Variants in ANO10 observed in about 807,000 individuals in gnomAD.
The protein encoded by ANO10 is anoctamin 10.
Under a neutral mutation model 74.7 loss-of-function variants are expected in ANO10, and 77 were observed. The observed-to-expected ratio is 1.03, with a 90% CI of 0.86 to 1.25. The LOEUF is 1.25. Among genes scored for constraint, ANO10 ranks in the 50% most tolerant of loss-of-function variants. ANO10 has a pLI of 0.00. For synonymous variants in ANO10, 279 were observed against 284.9 expected (o/e 0.98, Z 0.21); for missense variants, 721 against 778.1 (o/e 0.93, Z 0.87).
chr3:43,630,275 T>C (rs1386054052), intron 1 of ANO10, among the ~76,000 whole-genome samples: 2 of 152,122 alleles, frequency 1.3e-5, no homozygotes, highest in African/African-American at 4.8e-5. Flanking sequence ...AAAACTAAAA[T>C]CTAAATACTA....
chr3:43,461,290 A>T lies in ANO10; in HGVS notation c.1798-28563T>A, dbSNP rs2149027569. On this transcript the variant is annotated intron_variant, in intron 11 of 12. Transcript: ENST00000292246. ...CTTAGATGACATAAACAAATAAGGAACAAAATTACCAAAACTGACATAGGA... is the reference window on the plus strand; with the variant it reads ...CTTAGATGACATAAACAAATAAGGATCAAAATTACCAAAACTGACATAGGA... Among the ~76,000 whole-genome samples, 2 of 152,378 alleles carry T rather than the reference A, an allele frequency of 1.3e-5. 1 individual carries two copies. The highest frequency in any genetic ancestry group is 4.1e-4 in the South Asian group (2 of 4,830).
chr3:43,603,843 T>A (rs2082439813), intron 2 of ANO10, among the ~76,000 whole-genome samples: 1 of 152,224 alleles, frequency 6.6e-6, no homozygotes, highest in Admixed American at 6.5e-5. Context: ...GATTGTCCAA[T>A]CTGCTTCCTA....
intron 7 of ANO10, among the ~76,000 whole-genome samples, chr3:43,570,923 G>T (rs547021739): frequency 7.2e-6 from 1 of 138,420 alleles, no homozygotes; most frequent in African/African-American, 2.8e-5. Flanking sequence ...GAAAATTTTC[G>T]CAACCTACTC....
At chr3:43,460,580 C>A (rs577896187) in intron 11 of ANO10, among the ~76,000 whole-genome samples, 247 of 152,282 alleles carry the variant, frequency 1.6e-3, no homozygotes, top group Non-Finnish European at 1.6e-3. Flanking sequence ...TCTTGGAAAA[C>A]CTCACCCATA....
intron 11 of ANO10, among the ~76,000 whole-genome samples, chr3:43,472,322 A>G (rs1343760632): frequency 2.0e-5 from 3 of 152,330 alleles, no homozygotes; most frequent in Admixed American, 6.5e-5. Context: ...GAATTAATAC[A>G]AAAACACACA....
At chr3:43,538,251 A>G (rs932452694) in intron 11 of ANO10, among the ~76,000 whole-genome samples, 3 of 152,218 alleles carry the variant, frequency 2.0e-5, no homozygotes, top group Non-Finnish European at 4.4e-5. Context: ...CCATTCCTAA[A>G]GAAATGGGTT....
At chr3:43,687,800 G>A (rs1415587186) in intron 1 of ANO10, among the ~76,000 whole-genome samples, 1 of 152,192 alleles carries the variant, frequency 6.6e-6, no homozygotes, top group Non-Finnish European at 1.5e-5. Context: ...TAGTGATGGA[G>A]GAAGTCTGGT....
intron 12 of ANO10, among the ~76,000 whole-genome samples, chr3:43,403,020 C>T (rs972700285): frequency 6.6e-6 from 1 of 152,234 alleles, no homozygotes; most frequent in African/African-American, 2.4e-5. Flanking sequence ...ACACTTTGCT[C>T]TGCCCTCCCA....
chr3:43,393,410 T>G (rs1251385845), intron 12 of ANO10, among the ~76,000 whole-genome samples: 1 of 152,148 alleles, frequency 6.6e-6, no homozygotes, highest in African/African-American at 2.4e-5. Flanking sequence ...TCACAGAAAC[T>G]CCTGGAACCA....
intron 1 of ANO10, among the ~76,000 whole-genome samples, chr3:43,679,852 A>C (rs1180527989): frequency 6.6e-6 from 1 of 152,202 alleles, no homozygotes; most frequent in Non-Finnish European, 1.5e-5. Context: ...ACCTCCAGCA[A>C]ACTCCAACAG....
chr3:43,653,074 G>A (rs1255864406), intron 1 of ANO10: 1 of 152,068 alleles, frequency 6.6e-6, no homozygotes, highest in Non-Finnish European at 1.5e-5. Context: ...AGCTGAGCAT[G>A]GTGGCACATG....
chr3:43,548,978 C>T lies in ANO10; in HGVS notation c.1797+742G>A, dbSNP rs532133875. Reference sequence around the variant, plus strand: ...AGAGTGTTTCACAATGAATTTCACACCTGTAGCAAATGAGACTTAAGTCAT... The same window carrying T: ...AGAGTGTTTCACAATGAATTTCACATCTGTAGCAAATGAGACTTAAGTCAT... On this transcript the variant is annotated intron_variant, in intron 11 of 12. Coordinates refer to ENST00000292246, the MANE Select transcript of ANO10 (RefSeq NM_018075.5). 1.4e-3 allele frequency among the ~76,000 whole-genome samples: 215 copies of T among 152,122 alleles called. 1 individual carries two copies. The highest frequency in any genetic ancestry group is 2.4e-3 in the Non-Finnish European group (163 of 68,022).
intron 12 of ANO10, among the ~76,000 whole-genome samples, chr3:43,414,760 A>G (rs989284928): frequency 1.3e-5 from 2 of 152,124 alleles, no homozygotes; most frequent in African/African-American, 4.8e-5. Context: ...TATTAAAACC[A>G]TCCATCTCTA....
intron 1 of ANO10, chr3:43,691,166 C>T (rs1021030388): frequency 7.9e-5 from 75 of 955,358 alleles, no homozygotes; most frequent in Non-Finnish European, 1.0e-4. Flanking sequence ...GCTTCCTCGA[C>T]CCTCCCCGGC....
intron 8 of ANO10, among the ~76,000 whole-genome samples, chr3:43,563,671 T>TA (rs1424082822): frequency 1.3e-5 from 2 of 152,040 alleles, no homozygotes; most frequent in East Asian, 3.9e-4. Flanking sequence ...TAGTTGGCCA[T>TA]AAAAAAGACT....
intron 1 of ANO10, among the ~76,000 whole-genome samples, chr3:43,633,457 A>G (rs760898626): frequency 1.4e-4 from 22 of 152,202 alleles, no homozygotes; most frequent in Non-Finnish European, 2.5e-4. Context: ...TTGTCTTAGC[A>G]GGGAAGAGGC....
chr3:43,394,223 C>T (rs1244477773), intron 12 of ANO10, among the ~76,000 whole-genome samples: 3 of 152,084 alleles, frequency 2.0e-5, no homozygotes, highest in Non-Finnish European at 4.4e-5. Context: ...CTGGTCCCTA[C>T]CCCCAGGCAT....
intron 1 of ANO10, among the ~76,000 whole-genome samples, chr3:43,672,288 C>T (rs1263747042): frequency 6.6e-6 from 1 of 152,128 alleles, no homozygotes; most frequent in Non-Finnish European, 1.5e-5. Context: ...CTTTGGGAGG[C>T]CAAGGTGGGA....
intron 1 of ANO10, among the ~76,000 whole-genome samples, chr3:43,667,114 A>C (rs2084002435): frequency 8.7e-6 from 1 of 115,592 alleles, no homozygotes; most frequent in East Asian, 2.8e-4. Flanking sequence ...TTCTTGAGAC[A>C]GAGTCTCGCT....
Sources: allele counts gnomAD v4.1 joint callset (sites outside exome capture counted in the v4.1 genomes callset), GRCh38; gene constraint gnomAD v4.1.1; transcripts MANE v1.5; gene names NCBI Gene and HGNC (gene_info 2026-07-23, HGNC 2026-07-21).